Variants in SHB observed in about 807,000 individuals in gnomAD.
SHB encodes the protein SH2 domain-containing adapter protein B.
SHB carries 20 observed loss-of-function variants against 52.3 expected under a neutral mutation model. That is an observed-to-expected ratio of 0.38 (90% confidence interval 0.27 to 0.56). The LOEUF (loss-of-function observed/expected upper bound fraction) is 0.56. Among genes scored for constraint, SHB ranks in the 20% least tolerant of loss-of-function variants. The probability of loss-of-function intolerance (pLI) is 0.71; values close to 1 mark genes in which losing one functional copy is unlikely to be tolerated. For synonymous variants in SHB, 397 were observed against 316.5 expected (o/e 1.25, Z -2.70); for missense variants, 825 against 723.3 (o/e 1.14, Z -1.61).
At chr9:37,976,239 T>C (rs1274995016) in intron 2 of SHB, among the ~76,000 whole-genome samples, 1 of 152,210 alleles carries the variant, frequency 6.6e-6, no homozygotes, top group African/African-American at 2.4e-5. Flanking sequence ...TTTTGCCATG[T>C]TGGCAAGGCT....
intron 1 of SHB, among the ~76,000 whole-genome samples, chr9:38,029,733 C>T (rs949300342): frequency 3.9e-5 from 6 of 152,248 alleles, no homozygotes; most frequent in Non-Finnish European, 5.9e-5. Flanking sequence ...TCAAGTGATA[C>T]GCCTGCCTCA....
At chr9:38,013,755 T>G (rs1233149219) in intron 2 of SHB, among the ~76,000 whole-genome samples, 1 of 152,166 alleles carries the variant, frequency 6.6e-6, no homozygotes, top group Non-Finnish European at 1.5e-5. Context: ...TCCCAGCAGA[T>G]GCCCTCTCCC....
chr9:38,048,300 T>A (rs1821685486), intron 1 of SHB, among the ~76,000 whole-genome samples: 1 of 152,242 alleles, frequency 6.6e-6, no homozygotes, highest in Admixed American at 6.5e-5. Context: ...ATGCAGTAAT[T>A]GGAAAAGAAT....
At chr9:37,990,027 C>G (rs1820863554) in intron 2 of SHB, among the ~76,000 whole-genome samples, 1 of 152,116 alleles carries the variant, frequency 6.6e-6, no homozygotes, top group Non-Finnish European at 1.5e-5. Context: ...TGCTCAGGGC[C>G]CTGAAAAGCC....
chr9:38,027,131 T>C (rs963650243), intron 1 of SHB, among the ~76,000 whole-genome samples: 7 of 152,214 alleles, frequency 4.6e-5, no homozygotes, highest in African/African-American at 1.7e-4. Flanking sequence ...GTTTCCTTTT[T>C]ATTACAATAT....
intron 2 of SHB, among the ~76,000 whole-genome samples, chr9:38,008,146 G>A (rs1412155474): frequency 6.6e-6 from 1 of 152,220 alleles, no homozygotes; most frequent in Non-Finnish European, 1.5e-5. Context: ...TGCTATCAAT[G>A]ACTGTCTGCT....
At chr9:37,941,822 G>A (rs1034055141) in intron 5 of SHB, among the ~76,000 whole-genome samples, 1 of 152,164 alleles carries the variant, frequency 6.6e-6, no homozygotes, top group African/African-American at 2.4e-5. Flanking sequence ...CCACCACGGA[G>A]CTAGGTGTCT....
intron 2 of SHB, among the ~76,000 whole-genome samples, chr9:38,002,899 C>A (rs1190950008): frequency 6.6e-6 from 1 of 152,144 alleles, no homozygotes; most frequent in Non-Finnish European, 1.5e-5. Context: ...CACATTTCTG[C>A]AAATTTGGGA....
chr9:38,025,067 C>T (rs1009811838), intron 1 of SHB, among the ~76,000 whole-genome samples: 2 of 152,326 alleles, frequency 1.3e-5, no homozygotes, highest in Middle Eastern at 3.4e-3. Flanking sequence ...CAGGTCCACA[C>T]GATTTCTTCA....
At chr9:38,067,124 G>C (rs372498740) in intron 1 of SHB, among the ~76,000 whole-genome samples, 1 of 152,280 alleles carries the variant, frequency 6.6e-6, no homozygotes, top group South Asian at 2.1e-4. Context: ...GTGGCCTAAT[G>C]CGTTAGGAAG....
intron 2 of SHB, among the ~76,000 whole-genome samples, chr9:37,995,855 A>G (rs1488564633): frequency 6.6e-6 from 1 of 152,138 alleles, no homozygotes; most frequent in Non-Finnish European, 1.5e-5. Context: ...CGTTTGCCAG[A>G]GGGGTTTAAA....
At chr9:38,021,297 G>A (rs923059807) in intron 1 of SHB, among the ~76,000 whole-genome samples, 6 of 151,532 alleles carry the variant, frequency 4.0e-5, no homozygotes, top group Non-Finnish European at 7.4e-5. Context: ...CCGAGATCGC[G>A]CCATTGCACT....
In SHB at chr9:37,948,673, G is replaced by C. The variant is rs773922414; in HGVS notation, c.1308C>G (p.Asn436Lys). The C allele has an allele frequency of 3.1e-6, 5 of 1,613,852 alleles. No individual in the cohort carries two copies. The African/African-American group carries it at 4.0e-5, about 13-fold the overall frequency. ...LCKECSYLVR[N>K]SQTSKHDYSL... Reference sequence around the variant, plus strand: ...AGTAGTCATGCTTGCTGGTCTGGCTGTTCCGGACAAGGTAGCTACACTCCT... The same window carrying C: ...AGTAGTCATGCTTGCTGGTCTGGCTCTTCCGGACAAGGTAGCTACACTCCT... The change falls in exon 5 of 6, where the codon AAC (asparagine) becomes AAG (lysine). Residue 436 changes from asparagine to lysine, a missense_variant. Asn to Lys is a moderately conservative substitution (Grantham distance 94). Transcript: ENST00000377707.
intron 2 of SHB, among the ~76,000 whole-genome samples, chr9:37,983,864 G>A (rs1293548874): frequency 3.3e-5 from 5 of 152,200 alleles, no homozygotes; most frequent in Admixed American, 1.3e-4. Flanking sequence ...GCCACTTAGC[G>A]GGGCTGCCCC....
At chr9:38,006,141 C>G (rs1432714108) in intron 2 of SHB, among the ~76,000 whole-genome samples, 1 of 152,160 alleles carries the variant, frequency 6.6e-6, no homozygotes, top group Non-Finnish European at 1.5e-5. Context: ...GGTGTCATCC[C>G]ACCCTCTCCT....
chr9:38,066,386 G>A (rs991846969), intron 1 of SHB, among the ~76,000 whole-genome samples: 9 of 152,192 alleles, frequency 5.9e-5, no homozygotes, highest in South Asian at 2.1e-4. Context: ...GGTTTCCCCA[G>A]TGCCTGCACC....
intron 2 of SHB, among the ~76,000 whole-genome samples, chr9:37,986,228 C>T (rs1820805760): frequency 1.3e-5 from 2 of 152,180 alleles, no homozygotes; most frequent in African/African-American, 4.8e-5. Flanking sequence ...GTGTAGAAGG[C>T]TCTCCAGGAG....
chr9:37,949,836 A>G (rs900898517), intron 4 of SHB, among the ~76,000 whole-genome samples: 1 of 152,230 alleles, frequency 6.6e-6, no homozygotes, highest in Non-Finnish European at 1.5e-5. Flanking sequence ...GATGCCATGC[A>G]TGCCAGAGGA....
At chr9:37,983,351 A>G (rs1394233764) in intron 2 of SHB, among the ~76,000 whole-genome samples, 16 of 152,166 alleles carry the variant, frequency 1.1e-4, no homozygotes, top group Non-Finnish European at 2.4e-4. Flanking sequence ...GTTGCTCGAG[A>G]GGGCTGGGGA....
Sources: allele counts gnomAD v4.1 joint callset (sites outside exome capture counted in the v4.1 genomes callset), GRCh38; gene constraint gnomAD v4.1.1; transcripts MANE v1.5; gene names NCBI Gene and HGNC (gene_info 2026-07-23, HGNC 2026-07-21).